Variants in ELOVL7 observed in about 807,000 individuals in gnomAD.
The protein encoded by ELOVL7 is ELOVL fatty acid elongase 7, also known as very long chain fatty acid elongase 7.
In ELOVL7, 27 loss-of-function variants were observed where a neutral mutation model predicts 35.7. That is an observed-to-expected ratio of 0.76 (90% confidence interval 0.56 to 1.04). The LOEUF is 1.04. ELOVL7 is among the 50% of genes least tolerant of loss of function. ELOVL7 has a pLI of 0.00. For synonymous variants in ELOVL7, 113 were observed against 114.6 expected (o/e 0.99, Z 0.09); for missense variants, 327 against 340.8 (o/e 0.96, Z 0.32).
chr5:60,821,455 C>T (rs1466177887), intron 1 of ELOVL7, among the ~76,000 whole-genome samples: 1 of 152,202 alleles, frequency 6.6e-6, no homozygotes, highest in Non-Finnish European at 1.5e-5. Flanking sequence ...AGCCCAAGTG[C>T]TCCTCCTTCC....
chr5:60,828,957 TG>T (rs1024655901), intron 1 of ELOVL7, among the ~76,000 whole-genome samples: 1 of 152,204 alleles, frequency 6.6e-6, no homozygotes, highest in Non-Finnish European at 1.5e-5. Flanking sequence ...GATAATGGTA[TG>T]GCTGTAATTT....
intron 1 of ELOVL7, among the ~76,000 whole-genome samples, chr5:60,841,375 GAA>G (rs1389060402): frequency 6.6e-6 from 1 of 152,054 alleles, no homozygotes. Context: ...AATATGCATA[GAA>G]AAAAAGAGAG....
chr5:60,790,009 C>T (rs1022028727), intron 2 of ELOVL7, among the ~76,000 whole-genome samples: 18 of 151,976 alleles, frequency 1.2e-4, no homozygotes, highest in African/African-American at 1.9e-4. Flanking sequence ...TGGTGGCAGG[C>T]GCCTGTAATT....
At position 60,754,467 on chromosome 5, in the gene ELOVL7, A is replaced by C. The variant is rs1741410161; in HGVS notation, c.*157T>G. 1 of 641,894 alleles carries C rather than the reference A, an allele frequency of 1.6e-6. No individual in the cohort carries two copies. The highest frequency in any genetic ancestry group is 2.8e-5 in the East Asian group (1 of 36,328). 39.8% of individuals were successfully genotyped at this position (641,894 alleles called of 1,614,324 possible). ...AATTATCAGAAGACTGTTATCTGGAAGCTTCGGGCTCTCAAATATCAGACA... is the reference window on the plus strand; with the variant it reads ...AATTATCAGAAGACTGTTATCTGGACGCTTCGGGCTCTCAAATATCAGACA... On this transcript the variant is annotated 3_prime_UTR_variant, in exon 9 of 9. Coordinates refer to ENST00000508821, the MANE Select transcript of ELOVL7 (RefSeq NM_024930.3).
At chr5:60,757,422 CTTT>C (rs1741607900) in intron 8 of ELOVL7, 84 bp downstream of exon 8, 8 of 1,366,930 alleles carry the variant, frequency 5.9e-6, no homozygotes, top group Non-Finnish European at 8.0e-6. Context: ...TGTCTTTCTT[CTTT>C]ATTTAACCAG....
At chr5:60,810,827 T>C (rs1745199212) in intron 1 of ELOVL7, among the ~76,000 whole-genome samples, 1 of 152,162 alleles carries the variant, frequency 6.6e-6, no homozygotes, top group Admixed American at 6.5e-5. Flanking sequence ...TTAAGCAAAT[T>C]TGTATTGTGC....
In ELOVL7 at chr5:60,751,863, T is replaced by A. The variant is rs1329656569; in HGVS notation, c.*2761A>T. ...TCAAACTTTGACAACATCCACAGAATGTTCCAGTCTTTAAAAAGTTAGCAG... is the reference window on the plus strand; with the variant it reads ...TCAAACTTTGACAACATCCACAGAAAGTTCCAGTCTTTAAAAAGTTAGCAG... On this transcript the variant is annotated 3_prime_UTR_variant, in exon 9 of 9. Transcript: ENST00000508821. The A allele has an allele frequency of 2.0e-5, 3 of 152,156 alleles. No homozygotes were observed. The East Asian group carries it at 5.8e-4, about 29-fold the overall frequency. 9.4% of individuals were successfully genotyped at this position (152,156 alleles called of 1,614,324 possible). A position where few individuals can be genotyped will look rare whatever the true frequency, so the allele number is the denominator to read the frequency against.
At chr5:60,834,181 G>T (rs1025735230) in intron 1 of ELOVL7, among the ~76,000 whole-genome samples, 1 of 151,562 alleles carries the variant, frequency 6.6e-6, no homozygotes, top group Non-Finnish European at 1.5e-5. Context: ...TCGCTCTGTC[G>T]CCCAGGCTGG....
chr5:60,796,891 G>A (rs1429677775), intron 2 of ELOVL7, among the ~76,000 whole-genome samples: 1 of 152,090 alleles, frequency 6.6e-6, no homozygotes. Context: ...TAATGAAAAA[G>A]TAATTTACTA....
chr5:60,775,109 C>CA (rs1448412197), intron 3 of ELOVL7, among the ~76,000 whole-genome samples: 1 of 152,096 alleles, frequency 6.6e-6, no homozygotes, highest in Non-Finnish European at 1.5e-5. Context: ...TTACAGGATA[C>CA]AAAATCAATG....
rs1742099845 is a variant in ELOVL7 at position 60,764,273 on chromosome 5, A to G, written c.453T>C (p.His151=). 1 of 1,613,786 alleles carries G rather than the reference A, an allele frequency of 6.2e-7. No individual in the cohort carries two copies. The highest frequency in any genetic ancestry group is 1.3e-5 in the African/African-American group (1 of 74,944). ...ACCACCAGGTCCACGGCATGATGGT[A>G]TGATGGAATACATGAAGGAAAGTCA... ...SQVTFLHVFH[H]TIMPWTWWFG... The change falls in exon 7 of 9, where the codon CAT becomes CAC. Residue 151 remains histidine (H), a synonymous_variant. Coordinates refer to ENST00000508821, the MANE Select transcript of ELOVL7 (RefSeq NM_024930.3).
At chr5:60,759,773 T>A (rs909817930) in intron 7 of ELOVL7, among the ~76,000 whole-genome samples, 2 of 152,116 alleles carry the variant, frequency 1.3e-5, no homozygotes, top group African/African-American at 4.8e-5. Flanking sequence ...TATCTCCTAA[T>A]GCTATCCCTC....
chr5:60,771,522 A>G (rs1472391307), intron 4 of ELOVL7, among the ~76,000 whole-genome samples: 2 of 152,224 alleles, frequency 1.3e-5, no homozygotes, highest in African/African-American at 4.8e-5. Flanking sequence ...ACAACTTTTT[A>G]CTGAGTCAAG....
At chr5:60,759,677 G>A (rs189916819) in intron 7 of ELOVL7, among the ~76,000 whole-genome samples, 5 of 150,680 alleles carry the variant, frequency 3.3e-5, no homozygotes, top group Admixed American at 3.3e-4. Context: ...TAGGGTACAT[G>A]TGCACAATGT....
At chr5:60,802,133 CACAT>C (rs1744681146) in intron 1 of ELOVL7, among the ~76,000 whole-genome samples, 1 of 129,012 alleles carries the variant, frequency 7.8e-6, no homozygotes, top group Non-Finnish European at 1.6e-5. Flanking sequence ...CACACACACA[CACAT>C]ATATCCTATT....
intron 1 of ELOVL7, among the ~76,000 whole-genome samples, chr5:60,820,969 T>C (rs1182895233): frequency 6.6e-6 from 1 of 152,194 alleles, no homozygotes; most frequent in African/African-American, 2.4e-5. Context: ...TAGTGAATTA[T>C]CTGTTTTTAG....
At chr5:60,821,432 C>T (rs1252318029) in intron 1 of ELOVL7, among the ~76,000 whole-genome samples, 1 of 152,188 alleles carries the variant, frequency 6.6e-6, no homozygotes, top group African/African-American at 2.4e-5. Flanking sequence ...CCCCTCTATC[C>T]TCCAACTCAG....
intron 7 of ELOVL7, among the ~76,000 whole-genome samples, chr5:60,760,332 T>C (rs1488819081): frequency 6.6e-6 from 1 of 152,260 alleles, no homozygotes; most frequent in African/African-American, 2.4e-5. Context: ...ATTGCCATTC[T>C]AACTGGTGTG....
chr5:60,787,358 A>G lies in ELOVL7; in HGVS notation c.40T>C (p.Tyr14His). 6.2e-7 allele frequency: 1 copy of G among 1,605,094 alleles called. No homozygotes were observed. Among genetic ancestry groups the G allele is most frequent in the Non-Finnish European group, 8.5e-7 (1 of 1,177,300 alleles). The change falls in exon 3 of 9, where the codon TAT becomes CAT. Residue 14 changes from tyrosine to histidine, a missense_variant. Coordinates refer to ENST00000508821, the MANE Select transcript of ELOVL7 (RefSeq NM_024930.3). ...SDLTSRTVHL[Y>H]DNWIKDADPR... ...CCAGCATCTTTGATCCAATTATCAT[A>G]AAGATGCACAGTCCTCGATGTAAGA...
Sources: allele counts gnomAD v4.1 joint callset (sites outside exome capture counted in the v4.1 genomes callset), GRCh38; gene constraint gnomAD v4.1.1; transcripts MANE v1.5; gene names NCBI Gene and HGNC (gene_info 2026-07-23, HGNC 2026-07-21).